RASSF8: variants seen among roughly 807,000 people sequenced by gnomAD.
RASSF8 encodes the protein Ras association domain family member 8.
RASSF8 carries 22 observed loss-of-function variants against 48.5 expected under a neutral mutation model. The observed-to-expected ratio is 0.45, with a 90% CI of 0.32 to 0.65. RASSF8 has a LOEUF of 0.65. Ranked by LOEUF, RASSF8 falls within the 30% of genes least tolerant of loss-of-function variation. The pLI is 0.03. For synonymous variants in RASSF8, 127 were observed against 171.5 expected, an observed-to-expected ratio of 0.74 and a Z score of 2.03; for missense variants, 418 against 489.2, an observed-to-expected ratio of 0.85 and a Z score of 1.37.
chr12:26,041,444 A>T (rs2137160446), intron 2 of RASSF8, among the ~76,000 whole-genome samples: 1 of 152,290 alleles, frequency 6.6e-6, no homozygotes, highest in African/African-American at 2.4e-5. Flanking sequence ...TGGCTTTGAC[A>T]CTGAGTGATT....
chr12:26,055,443 A>G lies in RASSF8; in HGVS notation c.100A>G (p.Ile34Val), dbSNP rs1943581064. ...QEVVIALAQA[I>V]GRTGRYTLIE... ...GGTTGTCATAGCCTTAGCTCAAGCA[A>G]TAGGTGAGTGAACTCTGTGGGTATC... The change falls in exon 3 of 6, where the codon ATA becomes GTA. Residue 34 changes from isoleucine to valine, a missense_variant. By Grantham distance (29) the Ile-to-Val change is conservative. Transcript: ENST00000689635. 5 of 1,611,764 alleles carry G rather than the reference A, an allele frequency of 3.1e-6. No homozygotes were observed. The highest frequency in any genetic ancestry group is 1.3e-5 in the African/African-American group (1 of 74,866).
At chr12:25,996,065 T>C (rs1942125657) in intron 2 of RASSF8, among the ~76,000 whole-genome samples, 1 of 152,186 alleles carries the variant, frequency 6.6e-6, no homozygotes, top group Non-Finnish European at 1.5e-5. Context: ...CAAATCCACA[T>C]CCTCACCAGT....
chr12:26,014,286 G>A (rs576132039), intron 2 of RASSF8, among the ~76,000 whole-genome samples: 13 of 152,354 alleles, frequency 8.5e-5, no homozygotes, highest in Non-Finnish European at 1.6e-4. Context: ...ATGTGTTCAT[G>A]CTGAGCCTGA....
At chr12:26,038,048 A>T (rs945825244) in intron 2 of RASSF8, among the ~76,000 whole-genome samples, 1 of 152,192 alleles carries the variant, frequency 6.6e-6, no homozygotes, top group Non-Finnish European at 1.5e-5. Flanking sequence ...TCTACCCTGT[A>T]CACACCCCCA....
In RASSF8 at chr12:26,068,823, A is replaced by G; in HGVS notation, c.*5A>G. On this transcript the variant is annotated 3_prime_UTR_variant, in exon 6 of 6. Transcript: ENST00000689635. Reference sequence around the variant, plus strand: ...CCTGAAGGCATATATGTATGACATTATCTGTCTTTAGGGAGGAGACCCAAC... The same window carrying G: ...CCTGAAGGCATATATGTATGACATTGTCTGTCTTTAGGGAGGAGACCCAAC... 1.3e-6 allele frequency: 2 copies of G among 1,536,762 alleles called. No individual in the cohort carries two copies. The highest frequency in any genetic ancestry group is 1.2e-5 in the South Asian group (1 of 84,014).
chr12:26,074,726 A>G (rs1220565334), downstream of RASSF8, among the ~76,000 whole-genome samples: 5 of 152,148 alleles, frequency 3.3e-5, 1 homozygote, highest in African/African-American at 1.2e-4. Flanking sequence ...GGTGTCACGG[A>G]GACAAACACA....
intron 2 of RASSF8, among the ~76,000 whole-genome samples, chr12:26,037,084 A>T (rs1943169081): frequency 6.6e-6 from 1 of 152,080 alleles, no homozygotes; most frequent in Admixed American, 6.5e-5. Flanking sequence ...CCCTTCTTTT[A>T]TTGTGTGAAA....
chr12:25,974,573 A>T (rs1016611921), intron 1 of RASSF8, among the ~76,000 whole-genome samples: 23 of 152,222 alleles, frequency 1.5e-4, no homozygotes, highest in Middle Eastern at 3.4e-3. Context: ...TTAGTTCTAA[A>T]GCAATCCCAG....
chr12:26,005,999 G>A (rs1174405595), intron 2 of RASSF8, among the ~76,000 whole-genome samples: 3 of 152,066 alleles, frequency 2.0e-5, no homozygotes, highest in Non-Finnish European at 2.9e-5. Context: ...AGCTTTAAAC[G>A]TTAAACCTTT....
chr12:25,988,370 C>T (rs1941938173), intron 1 of RASSF8, among the ~76,000 whole-genome samples: 1 of 151,964 alleles, frequency 6.6e-6, no homozygotes. Context: ...GGTAGCAGTC[C>T]TATTATTGAA....
intron 1 of RASSF8, among the ~76,000 whole-genome samples, chr12:25,961,161 C>G (rs1013760748): frequency 3.3e-5 from 5 of 150,932 alleles, no homozygotes; most frequent in South Asian, 4.2e-4. Flanking sequence ...GTTTCTGACT[C>G]ATTAATTGAT....
chr12:26,056,097 A>G (rs963255689), intron 3 of RASSF8, among the ~76,000 whole-genome samples: 1 of 152,176 alleles, frequency 6.6e-6, no homozygotes, highest in Non-Finnish European at 1.5e-5. Context: ...AGGAAGGAGA[A>G]TGGCTTCAAC....
rs73282923 is a variant in RASSF8, at chr12:26,062,774, T to C, written c.104-1724T>C. ...AATTCTGTGGTCAGCCCTTTTGTTA[T>C]AGGAAAAATGTCTTACTAGCTACCA... is the stretch of plus-strand genomic sequence containing the variant. On this transcript the variant is annotated intron_variant, in intron 3 of 5. Coordinates refer to ENST00000689635, the MANE Select transcript of RASSF8 (RefSeq NM_001394098.1). 4.3e-3 allele frequency among the ~76,000 whole-genome samples: 653 copies of C among 152,362 alleles called. 6 individuals carry two copies. The highest frequency in any genetic ancestry group is 0.015 in the African/African-American group (615 of 41,590).
intron 1 of RASSF8, among the ~76,000 whole-genome samples, chr12:25,969,085 G>A (rs11833040): frequency 0.036 from 5,518 of 152,300 alleles, 319 homozygotes; most frequent in African/African-American, 0.12. Context: ...GGAGCAAAGG[G>A]CTGGAGATGA....
intron 1 of RASSF8, among the ~76,000 whole-genome samples, chr12:25,963,866 A>G (rs1436236317): frequency 1.3e-5 from 2 of 152,196 alleles, no homozygotes; most frequent in Non-Finnish European, 2.9e-5. Context: ...TTCTTTCCAT[A>G]TATTTGCTTC....
intron 4 of RASSF8, among the ~76,000 whole-genome samples, chr12:26,066,234 T>C (rs1481784587): frequency 6.6e-6 from 1 of 152,208 alleles, no homozygotes; most frequent in Non-Finnish European, 1.5e-5. Flanking sequence ...TCTGTTGGAC[T>C]GTGCTGGTTT....
intron 5 of RASSF8, chr12:26,079,027 A>G: frequency 6.5e-7 from 1 of 1,545,946 alleles, no homozygotes; most frequent in Non-Finnish European, 8.7e-7. Context: ...CTTCTGTTTT[A>G]TCTAGGGATC....
At chr12:26,001,886 A>G (rs559680267) in intron 2 of RASSF8, among the ~76,000 whole-genome samples, 1 of 152,316 alleles carries the variant, frequency 6.6e-6, no homozygotes, top group South Asian at 2.1e-4. Flanking sequence ...TTCAAATATT[A>G]TGCATTGTAA....
intron 1 of RASSF8, among the ~76,000 whole-genome samples, chr12:25,962,985 TA>T (rs1441789654): frequency 6.6e-6 from 1 of 150,750 alleles, no homozygotes; most frequent in Non-Finnish European, 1.5e-5. Flanking sequence ...TTAAAATAAT[TA>T]TTTTTTTATC....
Sources: gnomAD v4.1 joint callset for allele counts (sites outside exome capture counted in the v4.1 genomes callset) on GRCh38, gnomAD v4.1.1 for gene constraint, MANE v1.5 for transcripts, NCBI Gene and HGNC (gene_info 2026-07-23, HGNC 2026-07-21) for gene names.